The following IRS2 variants were observed in gnomAD, a reference collection of about 807,000 sequenced individuals.
IRS2 encodes insulin receptor substrate 2.
IRS2 carries 28 observed loss-of-function variants against 70.9 expected under a neutral mutation model. The ratio of observed to expected loss-of-function variants is 0.39; its 90% CI spans 0.29 to 0.54. The LOEUF is 0.54. Among genes scored for constraint, IRS2 ranks in the 20% least tolerant of loss-of-function variants. The pLI is 0.59. For missense variants in IRS2, 2,081 were observed against 2,024.1 expected, an observed-to-expected ratio of 1.03 and a Z score of -0.54; for synonymous variants, 1,217 against 981.9, an observed-to-expected ratio of 1.24 and a Z score of -4.48.
At position 109,755,977 on chromosome 13, in the gene IRS2, A is replaced by G; in HGVS notation, c.*327T>C. On this transcript the variant is annotated 3_prime_UTR_variant, in exon 2 of 2. Transcript: ENST00000375856. ...GCCAAAAGGAAAAGAAGAAGAAATT[A>G]AAAGACACTGGCCACAATTTAAGAA... 1 of 416,994 alleles carries G rather than the reference A, an allele frequency of 2.4e-6. No individual in the cohort carries two copies. The allele number at this position is 416,994 out of a possible 1,614,324, so 25.8% of individuals were successfully genotyped here.
chr13:109,755,884 T>G lies in IRS2; in HGVS notation c.*420A>C. ...GTCGTTTTGAGTGTAAGCCAGTAAA[T>G]ACCAGATTTTACCACTTCCATAGGT... On this transcript the variant is annotated 3_prime_UTR_variant, in exon 2 of 2. Transcript: ENST00000375856. 2 of 266,160 alleles carry G rather than the reference T, an allele frequency of 7.5e-6. No individual in the cohort carries two copies. The highest frequency in any genetic ancestry group is 1.5e-5 in the Non-Finnish European group (2 of 136,370). 16.5% of individuals were successfully genotyped at this position (266,160 alleles called of 1,614,324 possible). A position where few individuals can be genotyped will look rare whatever the true frequency, so the allele number is the denominator to read the frequency against.
chr13:109,756,537 G>C (rs1004836743), intron 1 of IRS2, among the ~76,000 whole-genome samples: 7 of 152,208 alleles, frequency 4.6e-5, no homozygotes, highest in African/African-American at 1.7e-4. Flanking sequence ...GAGTTGTCTA[G>C]ACAGTTAGGT....
intron 1 of IRS2, among the ~76,000 whole-genome samples, chr13:109,759,676 C>T: frequency 7.3e-6 from 1 of 136,254 alleles, no homozygotes; most frequent in South Asian, 2.3e-4. Context: ...TCCAATTGAG[C>T]TGGTGGTAGA....
At chr13:109,775,174 A>G (rs1877545943) in intron 1 of IRS2, among the ~76,000 whole-genome samples, 1 of 142,908 alleles carries the variant, frequency 7.0e-6, no homozygotes, top group South Asian at 2.2e-4. Flanking sequence ...GCTGGAGTAC[A>G]GTGTCGCGAT....
Position 109,753,389 on chromosome 13 carries a change from A to G in IRS2, c.*2915T>C, listed in dbSNP as rs1877036451. 1 of 152,326 alleles carries G rather than the reference A, an allele frequency of 6.6e-6. No individual in the cohort carries two copies. The highest frequency in any genetic ancestry group is 1.5e-5 in the Non-Finnish European group (1 of 68,086). 9.4% of individuals were successfully genotyped at this position (152,326 alleles called of 1,614,324 possible). A position where few individuals can be genotyped will look rare whatever the true frequency, so the allele number is the denominator to read the frequency against. ...GGAAGGGAGCACTAAGCAGAGGTGC[A>G]TAAGCAGATTCTGGACTGCAGAGCT... On this transcript the variant is annotated 3_prime_UTR_variant, in exon 2 of 2. Coordinates refer to ENST00000375856, the MANE Select transcript of IRS2 (RefSeq NM_003749.3).
chr13:109,785,878 T>G lies in IRS2; in HGVS notation c.176A>C (p.Glu59Ala). The G allele has an allele frequency of 6.6e-7, 1 of 1,505,462 alleles. No individual in the cohort carries two copies. The highest frequency in any genetic ancestry group is 8.8e-7 in the Non-Finnish European group (1 of 1,132,550). 93.3% of individuals were successfully genotyped at this position (1,505,462 alleles called of 1,614,324 possible). A position where few individuals can be genotyped will look rare whatever the true frequency, so the allele number is the denominator to read the frequency against. Residue 59 changes from glutamate (E) to alanine (A), a missense_variant, in exon 1 of 2, where the codon GAG (glutamate) becomes GCG (alanine). Transcript: ENST00000375856. This position sits in a 1 kb window ranked among gnomAD's most constrained non-coding sequence, Gnocchi z 9.3. Reference protein sequence around the residue: ...VLRGPGAGGDEATAGGGSAPQ... With the variant: ...VLRGPGAGGDAATAGGGSAPQ... ...CGCCGACCCCCCGCCCGCCGTCGCC[T>G]CGTCGCCGCCCGCGCCGGGTCCGCG...
At position 109,783,564 on chromosome 13, in the gene IRS2, C is replaced by T. The variant is rs1877796605; in HGVS notation, c.2490G>A (p.Val830=). Residue 830 remains valine, a synonymous_variant, in exon 1 of 2, where the codon GTG becomes GTA. Coordinates refer to ENST00000375856, the MANE Select transcript of IRS2 (RefSeq NM_003749.3). ...SDQYVLMSSP[V]GRILEEERLE... is the part of the protein sequence containing the mutation. The stretch of plus-strand genomic sequence containing the variant: ...GACGCTCCTCCTCCAGGATGCGCCC[C>T]ACGGGGGAGCTCATGAGCACGTACT... 6.5e-7 allele frequency: 1 copy of T among 1,549,596 alleles called. No homozygotes were observed. The highest frequency in any genetic ancestry group is 8.7e-7 in the Non-Finnish European group (1 of 1,146,544).
chr13:109,784,766 A>T lies in IRS2; in HGVS notation c.1288T>A (p.Ser430Thr), dbSNP rs1877861248. 2 of 1,251,158 alleles carry T rather than the reference A, an allele frequency of 1.6e-6. No individual in the cohort carries two copies. The highest frequency in any genetic ancestry group is 2.0e-6 in the Non-Finnish European group (2 of 999,290). The allele number at this position is 1,251,158 out of a possible 1,614,324, so 77.5% of individuals were successfully genotyped here. A position where few individuals can be genotyped will look rare whatever the true frequency, so the allele number is the denominator to read the frequency against. ...GAGTGCGCCACGGGCATGGACATGG[A>T]GCGGCTGTGTTGCAGCGCGCCCCCT... ...PAGGALQHSR[S>T]MSMPVAHSPP... The change falls in exon 1 of 2, where the codon TCC (serine) becomes ACC (threonine). Residue 430 changes from serine (S) to threonine (T), a missense_variant. Physicochemically the swap from Ser to Thr is moderately conservative, Grantham distance 58. Around this residue, in one of 4 missense-constraint regions of IRS2, gnomAD observed 1,615 missense variants for 1,459.5 expected, o/e 1.11. Coordinates refer to ENST00000375856, the MANE Select transcript of IRS2 (RefSeq NM_003749.3). The surrounding 1 kb of genome is among the most constrained non-coding windows in gnomAD (Gnocchi z 5.2).
chr13:109,781,585 G>A (rs1183088853), intron 1 of IRS2, among the ~76,000 whole-genome samples: 1 of 152,214 alleles, frequency 6.6e-6, no homozygotes, highest in African/African-American at 2.4e-5. Context: ...CAAGAATCAG[G>A]CGGAGCCCAG....
At position 109,783,669 on chromosome 13, in the gene IRS2, G is replaced by C. The variant is rs1185687062; in HGVS notation, c.2385C>G (p.Leu795=). The change falls in exon 1 of 2, where the codon CTC becomes CTG. Residue 795 remains leucine (L), a synonymous_variant. Coordinates refer to ENST00000375856, the MANE Select transcript of IRS2 (RefSeq NM_003749.3). The stretch of plus-strand genomic sequence containing the variant: ...TGTAGCAGCAGCCGGGAACGCCCCT[G>C]AGCGGCTCCCCGCCGGGGTGCAGGG... The part of the protein sequence containing the change: ...SAALHPGGEP[L]RGVPGCCYSS... The C allele has an allele frequency of 7.1e-6, 11 of 1,557,776 alleles. No individual in the cohort carries two copies. The highest frequency in any genetic ancestry group is 7.8e-6 in the Non-Finnish European group (9 of 1,150,938).
chr13:109,758,964 G>A (rs530807629), intron 1 of IRS2, among the ~76,000 whole-genome samples: 1 of 151,704 alleles, frequency 6.6e-6, no homozygotes, highest in African/African-American at 2.4e-5. Context: ...AAGGGAGGAA[G>A]GAAGGGTTAT....
chr13:109,774,475 A>G (rs1381659441), intron 1 of IRS2, among the ~76,000 whole-genome samples: 5 of 152,214 alleles, frequency 3.3e-5, no homozygotes, highest in Non-Finnish European at 5.9e-5. Flanking sequence ...CCAGTGGAAG[A>G]AAAAGGGGGA....
Position 109,784,555 on chromosome 13 carries a change from A to C in IRS2, c.1499T>G (p.Leu500Arg), listed in dbSNP as rs1345285675. The C allele has an allele frequency of 6.9e-7, 1 of 1,444,462 alleles. No individual in the cohort carries two copies. Among genetic ancestry groups the C allele is most frequent in the East Asian group, 2.6e-5 (1 of 37,928 alleles). The allele number at this position is 1,444,462 out of a possible 1,614,324, so 89.5% of individuals were successfully genotyped here. A position where few individuals can be genotyped will look rare whatever the true frequency, so the allele number is the denominator to read the frequency against. Residue 500 changes from leucine to arginine, a missense_variant, in exon 1 of 2, where the codon CTG becomes CGG. Leu to Arg is a moderately radical substitution (Grantham distance 102). This residue lies in a region of IRS2 where 1,615 missense variants were observed against 1,459.5 expected (regional missense o/e 1.11). Coordinates refer to ENST00000375856, the MANE Select transcript of IRS2 (RefSeq NM_003749.3). The surrounding 1 kb of genome is among the most constrained non-coding windows in gnomAD (Gnocchi z 5.2). ...GCCTGGGCTGGAGCCGTACTCGTCC[A>C]GGGACATGAAGCCGGGGTCGCTGGG... is the stretch of plus-strand genomic sequence containing the variant. ...GSPSDPGFMS[L>R]DEYGSSPGDL... is the part of the protein sequence containing the mutation.
chr13:109,784,873 G>A lies in IRS2; in HGVS notation c.1181C>T (p.Pro394Leu), dbSNP rs1465562569. Residue 394 changes from proline to leucine, a missense_variant, in exon 1 of 2, where the codon CCG (proline) becomes CTG (leucine). Around this residue, in one of 4 missense-constraint regions of IRS2, gnomAD observed 1,615 missense variants for 1,459.5 expected, o/e 1.11. Coordinates refer to ENST00000375856, the MANE Select transcript of IRS2 (RefSeq NM_003749.3). The surrounding 1 kb of genome is among the most constrained non-coding windows in gnomAD (Gnocchi z 5.2). ...SVAGSPLSPG[P>L]VRAPLSRSHT... Reference sequence around the variant, plus strand: ...CGAGCGGCTCAGGGGCGCGCGCACCGGCCCGGGGCTCAGGGGGCTCCCAGC... The same window carrying A: ...CGAGCGGCTCAGGGGCGCGCGCACCAGCCCGGGGCTCAGGGGGCTCCCAGC... 8.9e-7 allele frequency: 1 copy of A among 1,119,186 alleles called. No individual in the cohort carries two copies. Among genetic ancestry groups the A allele is most frequent in the Non-Finnish European group, 1.1e-6 (1 of 912,872 alleles). 69.3% of individuals were successfully genotyped at this position (1,119,186 alleles called of 1,614,324 possible).
Position 109,784,218 on chromosome 13 carries a change from G to A in IRS2, c.1836C>T (p.Leu612=), listed in dbSNP as rs771717245. 4.1e-5 allele frequency: 64 copies of A among 1,571,206 alleles called. 4 individuals carry two copies. The Admixed American group carries it at 4.2e-4, about 10-fold the overall frequency. Residue 612 remains leucine (L), a synonymous_variant, in exon 1 of 2, where the codon CTC becomes CTT. Coordinates refer to ENST00000375856, the MANE Select transcript of IRS2 (RefSeq NM_003749.3). The surrounding 1 kb of genome is among the most constrained non-coding windows in gnomAD (Gnocchi z 5.2). ...GAGAGGACGCGGGGCAGGACGGGCA[G>A]AGGCGGCCCGCGCTGCCCGAGAAGG... ...RATFSGSAGR[L]CPSCPASSPK...
At position 109,783,948 on chromosome 13, in the gene IRS2, CACGGCG is replaced by C. The variant is rs1566413592; in HGVS notation, c.2100_2105del (p.Ala701_Val702del). 2.6e-6 allele frequency: 4 copies of C among 1,525,038 alleles called. No homozygotes were observed. The highest frequency in any genetic ancestry group is 5.0e-5 in the East Asian group (2 of 40,204). 94.5% of individuals were successfully genotyped at this position (1,525,038 alleles called of 1,614,324 possible). ...CTGGCCCCGCAGGCCCCGCAGAAGGCACGGCGGCGGCGGCGGCGGCGGCGGCCCTGG... is the reference window on the plus strand; with the variant it reads ...CTGGCCCCGCAGGCCCCGCAGAAGGCGCGGCGGCGGCGGCGGCGGCCCTGG... On this transcript the variant is annotated inframe_deletion, in exon 1 of 2. Coordinates refer to ENST00000375856, the MANE Select transcript of IRS2 (RefSeq NM_003749.3).
In IRS2 at chr13:109,782,671, T is replaced by G. The variant is rs1255377313; in HGVS notation, c.3383A>C (p.Asp1128Ala). The G allele has an allele frequency of 6.4e-7, 1 of 1,569,900 alleles. No homozygotes were observed. Among genetic ancestry groups the G allele is most frequent in the Admixed American group, 1.9e-5 (1 of 53,316 alleles). Reference sequence around the variant, plus strand: ...GATGACCTTGGCGCCGCGGTGGGGGTCCGGGGGCTGGCTGGCCTGCAGGAA... The same window carrying G: ...GATGACCTTGGCGCCGCGGTGGGGGGCCGGGGGCTGGCTGGCCTGCAGGAA... ...EAFLQASQPP[D>A]PHRGAKVIRA... The change falls in exon 1 of 2, where the codon GAC (aspartate) becomes GCC (alanine). Residue 1128 changes from aspartate (D) to alanine (A), a missense_variant. By Grantham distance (126) the Asp-to-Ala change is moderately radical (BLOSUM62 -2). Transcript: ENST00000375856.
Position 109,782,512 on chromosome 13 carries a change from G to C in IRS2, c.3542C>G (p.Ser1181Cys), listed in dbSNP as rs754287716. The C allele has an allele frequency of 6.4e-6, 10 of 1,554,638 alleles. No individual in the cohort carries two copies. The highest frequency in any genetic ancestry group is 1.7e-6 in the Non-Finnish European group (2 of 1,149,858). Residue 1181 changes from serine to cysteine, a missense_variant, in exon 1 of 2, where the codon TCT becomes TGT. This residue lies in a region of IRS2 where 1,615 missense variants were observed against 1,459.5 expected (regional missense o/e 1.11). Transcript: ENST00000375856. ...RHNSASVENV[S>C]LRKSSEGGVG... ...GCCGCCCTCGCTGCTTTTCCTGAGAGAGACATTTTCCACGGAGGCCGAGTT... is the reference window on the plus strand; with the variant it reads ...GCCGCCCTCGCTGCTTTTCCTGAGACAGACATTTTCCACGGAGGCCGAGTT...
rs745351480 is a variant in IRS2 at position 109,783,422 on chromosome 13, C to T, written c.2632G>A (p.Glu878Lys). Reference protein sequence around the residue: ...SPVRPSGGRPEGFLGQRGRAV... With the variant: ...SPVRPSGGRPKGFLGQRGRAV... ...CGGCCGCGCTGGCCCAAGAAGCCCT[C>T]CGGGCGGCCGCCGCTAGGCCGCACG... The change falls in exon 1 of 2, where the codon GAG becomes AAG. Residue 878 changes from glutamate (E) to lysine (K), a missense_variant. Around this residue, in one of 4 missense-constraint regions of IRS2, gnomAD observed 1,615 missense variants for 1,459.5 expected, o/e 1.11. Transcript: ENST00000375856. 17 of 1,490,900 alleles carry T rather than the reference C, an allele frequency of 1.1e-5. No homozygotes were observed. The highest frequency in any genetic ancestry group is 7.2e-5 in the African/African-American group (5 of 69,148). 92.4% of individuals were successfully genotyped at this position (1,490,900 alleles called of 1,614,324 possible). A position where few individuals can be genotyped will look rare whatever the true frequency, so the allele number is the denominator to read the frequency against.
Sources: gnomAD v4.1 joint callset for allele counts (sites outside exome capture counted in the v4.1 genomes callset) on GRCh38, gnomAD v4.1.1 for gene constraint, gnomAD v4.1.1 regional missense constraint, Gnocchi (gnomAD v3.1) non-coding constraint, MANE v1.5 for transcripts, NCBI Gene and HGNC (gene_info 2026-07-23, HGNC 2026-07-21) for gene names.